The following SMIM35 variants were observed in gnomAD, a reference collection of about 807,000 sequenced individuals.
SMIM35 encodes small integral membrane protein 35, also known as TMPRSS4 antisense RNA 1 (non-protein coding).
intron 1 of SMIM35, among the ~76,000 whole-genome samples, chr11:118,018,931 C>CATGT (rs1418063240): frequency 6.6e-6 from 1 of 151,544 alleles, no homozygotes; most frequent in Non-Finnish European, 1.5e-5. Context: ...GAAGAACAGC[C>CATGT]ATGTGCCTAC....
intron 1 of SMIM35, chr11:118,077,023 T>A: frequency 2.2e-6 from 1 of 445,532 alleles, no homozygotes; most frequent in Non-Finnish European, 4.0e-6. Context: ...TCATTCCAGT[T>A]TGGCAACTTC....
At chr11:118,031,418 T>C (rs965762368) in intron 1 of SMIM35, among the ~76,000 whole-genome samples, 3 of 152,192 alleles carry the variant, frequency 2.0e-5, no homozygotes, top group Non-Finnish European at 2.9e-5. Flanking sequence ...TGAATCATCT[T>C]TCTGTGCCAC....
chr11:118,016,578 C>T (rs565606899), intron 1 of SMIM35, among the ~76,000 whole-genome samples: 1 of 152,266 alleles, frequency 6.6e-6, no homozygotes, highest in South Asian at 2.1e-4. Context: ...TGTCCTGAGG[C>T]TCCAGGGATA....
chr11:118,034,000 TCTCA>T, intron 1 of SMIM35, among the ~76,000 whole-genome samples: 1 of 152,284 alleles, frequency 6.6e-6, no homozygotes, highest in South Asian at 2.1e-4. Flanking sequence ...AGGCGCAGTG[TCTCA>T]CTCCTGTAAT....
chr11:118,034,325 CA>C (rs2058341849), intron 1 of SMIM35, among the ~76,000 whole-genome samples: 1 of 152,154 alleles, frequency 6.6e-6, no homozygotes, highest in African/African-American at 2.4e-5. Context: ...ATGTCTACTA[CA>C]AATAAAGCAC....
chr11:118,004,490 G>T lies in SMIM35; in HGVS notation c.*1920C>A, dbSNP rs1645017881. On this transcript the variant is annotated 3_prime_UTR_variant, in exon 5 of 5. Transcript: ENST00000689828. ...GACATGGAAGGGAGACAGAGGTGTG[G>T]AGGGAGAGGGGAGATGATGAGTTCT... 1 of 152,286 alleles carries T rather than the reference G, an allele frequency of 6.6e-6. No homozygotes were observed. The highest frequency in any genetic ancestry group is 2.4e-5 in the African/African-American group (1 of 41,436). 9.4% of individuals were successfully genotyped at this position (152,286 alleles called of 1,614,324 possible). A position where few individuals can be genotyped will look rare whatever the true frequency, so the allele number is the denominator to read the frequency against.
At chr11:118,019,806 T>C (rs2058210811) in intron 1 of SMIM35, among the ~76,000 whole-genome samples, 1 of 152,234 alleles carries the variant, frequency 6.6e-6, no homozygotes, top group Non-Finnish European at 1.5e-5. Flanking sequence ...TAATTTTCCA[T>C]CCTTTTCCCC....
intron 1 of SMIM35, chr11:118,029,715 C>T (rs1043879024): frequency 8.7e-6 from 4 of 457,266 alleles, no homozygotes; most frequent in Admixed American, 4.7e-5. Context: ...CTCGTTACAC[C>T]CTACCCTCTG....
intron 1 of SMIM35, among the ~76,000 whole-genome samples, chr11:118,035,709 C>T (rs1591289372): frequency 1.3e-5 from 2 of 152,140 alleles, no homozygotes; most frequent in East Asian, 1.9e-4. Flanking sequence ...TCCCTGCTCA[C>T]GTGTTGTCAC....
chr11:118,035,024 T>C (rs144615770), intron 1 of SMIM35, among the ~76,000 whole-genome samples: 2,434 of 151,438 alleles, frequency 0.016, 108 homozygotes, highest in East Asian at 0.11. Context: ...CAATCTCAGC[T>C]CACTGCAACC....
intron 1 of SMIM35, among the ~76,000 whole-genome samples, chr11:118,058,103 C>A (rs987721741): frequency 6.6e-6 from 1 of 152,160 alleles, no homozygotes; most frequent in Non-Finnish European, 1.5e-5. Context: ...AATTGTCCTG[C>A]CTAATTAGAG....
Position 118,015,734 on chromosome 11 carries a change from T to C in SMIM35, c.83A>G (p.Tyr28Cys), listed in dbSNP as rs1288725671. 2.5e-6 allele frequency: 1 copy of C among 399,446 alleles called. No homozygotes were observed. Among genetic ancestry groups the C allele is most frequent in the Non-Finnish European group, 4.4e-6 (1 of 226,536 alleles). 24.7% of individuals were successfully genotyped at this position (399,446 alleles called of 1,614,324 possible). The change falls in exon 2 of 5, where the codon TAC becomes TGC. Residue 28 changes from tyrosine to cysteine, a missense_variant. Physicochemically the swap from Tyr to Cys is radical, Grantham distance 194. Transcript: ENST00000689828. ...LLLLLVSILG[Y>C]SLAKWYQRGY... ...GCGCTGGTACCACTTGGCCAGGCTG[T>C]AGCCGAGGATGGACACGAGCAGCAG... is the stretch of plus-strand genomic sequence containing the variant.
At chr11:118,047,815 G>C (rs1330295520) in intron 1 of SMIM35, among the ~76,000 whole-genome samples, 2 of 152,248 alleles carry the variant, frequency 1.3e-5, no homozygotes, top group Non-Finnish European at 2.9e-5. Context: ...TCTGTGGGCT[G>C]GGGATCTCTG....
chr11:118,023,232 A>T (rs990072485), intron 1 of SMIM35, among the ~76,000 whole-genome samples: 2 of 152,070 alleles, frequency 1.3e-5, no homozygotes, highest in African/African-American at 4.8e-5. Flanking sequence ...TTCACTCATC[A>T]GTCTGAGGCC....
intron 1 of SMIM35, among the ~76,000 whole-genome samples, chr11:118,044,316 A>G (rs1320820191): frequency 1.6e-4 from 1 of 6,344 alleles, no homozygotes; most frequent in Non-Finnish European, 4.8e-4. Flanking sequence ...GGCAGAATTG[A>G]AAAAAAAAAA....
At chr11:118,018,072 G>C (rs1441170247) in intron 1 of SMIM35, among the ~76,000 whole-genome samples, 7 of 152,174 alleles carry the variant, frequency 4.6e-5, no homozygotes, top group African/African-American at 1.7e-4. Flanking sequence ...GGTATCTAGA[G>C]TGAAAATGTC....
At chr11:118,063,393 C>T (rs749769484) in intron 1 of SMIM35, among the ~76,000 whole-genome samples, 11 of 152,180 alleles carry the variant, frequency 7.2e-5, no homozygotes, top group African/African-American at 2.4e-4. Context: ...CTGTCTCTCT[C>T]GTCTGCATTT....
intron 4 of SMIM35, among the ~76,000 whole-genome samples, chr11:118,010,536 T>C: frequency 6.6e-6 from 1 of 152,300 alleles, no homozygotes; most frequent in East Asian, 1.9e-4. Flanking sequence ...GGAACATAAC[T>C]TTGTTGGCAG....
chr11:118,014,764 G>A (rs780251620), intron 2 of SMIM35, 23 bp from the exon 3 acceptor site: 3 of 398,878 alleles, frequency 7.5e-6, no homozygotes, highest in Non-Finnish European at 1.3e-5. Context: ...TCCAAAAAGA[G>A]AGGGTTAGCA....
Sources: allele counts gnomAD v4.1 joint callset (sites outside exome capture counted in the v4.1 genomes callset), GRCh38; gene constraint gnomAD v4.1.1; transcripts MANE v1.5; gene names NCBI Gene and HGNC (gene_info 2026-07-23, HGNC 2026-07-21).